Variants in KCTD15 observed in about 807,000 individuals in gnomAD.
KCTD15 encodes potassium channel tetramerization domain containing 15, also known as BTB/POZ domain-containing protein KCTD15.
KCTD15 carries 11 observed loss-of-function variants against 27.2 expected under a neutral mutation model. The observed-to-expected ratio is 0.41, with a 90% CI of 0.25 to 0.67. The LOEUF (loss-of-function observed/expected upper bound fraction) is 0.67. Ranked by LOEUF, KCTD15 falls within the 30% of genes least tolerant of loss-of-function variation. The pLI is 0.35. For synonymous variants in KCTD15, 163 were observed against 176.0 expected, an observed-to-expected ratio of 0.93 and a Z score of 0.58; for missense variants, 350 against 409.3, an observed-to-expected ratio of 0.86 and a Z score of 1.25.
chr19:33,795,350 T>C (rs1270976626), upstream of KCTD15, among the ~76,000 whole-genome samples: 1 of 152,030 alleles, frequency 6.6e-6, no homozygotes, highest in African/African-American at 2.4e-5. Context: ...CGAGGTCCTC[T>C]AGTAGAGGGA....
Position 33,811,261 on chromosome 19 carries a change from G to C in KCTD15, c.402G>C (p.Leu134=). The C allele has an allele frequency of 6.6e-7, 1 of 1,521,012 alleles. No individual in the cohort carries two copies. Among genetic ancestry groups the C allele is most frequent in the Non-Finnish European group, 8.8e-7 (1 of 1,134,672 alleles). The allele number at this position is 1,521,012 out of a possible 1,614,324, so 94.2% of individuals were successfully genotyped here. A position where few individuals can be genotyped will look rare whatever the true frequency, so the allele number is the denominator to read the frequency against. The stretch of plus-strand genomic sequence containing the variant: ...CCTGTCCCCAGGACTTCAGTCTGCT[G>C]TACGAGGAGGCGCGCTACTATCAGC... ...LPDDFKDFSL[L]YEEARYYQLQ... The change falls in exon 6 of 7, where the codon CTG becomes CTC. Residue 134 remains leucine, a synonymous_variant. Coordinates refer to ENST00000683859, the MANE Select transcript of KCTD15 (RefSeq NM_001129994.2).
At chr19:33,810,153 G>A (rs562159843) in intron 5 of KCTD15, among the ~76,000 whole-genome samples, 1 of 152,188 alleles carries the variant, frequency 6.6e-6, no homozygotes, top group African/African-American at 2.4e-5. Flanking sequence ...GGGTGGGTGT[G>A]TGTGAGCGTG....
chr19:33,799,174 T>C (rs1456366806), intron 2 of KCTD15, among the ~76,000 whole-genome samples: 1 of 152,182 alleles, frequency 6.6e-6, no homozygotes, highest in East Asian at 1.9e-4. Context: ...GTCTGCCCAT[T>C]GCAACCTCCC....
At chr19:33,794,543 G>A (rs1036693382), upstream of KCTD15, among the ~76,000 whole-genome samples, 1 of 152,222 alleles carries the variant, frequency 6.6e-6, no homozygotes, top group African/African-American at 2.4e-5. Flanking sequence ...GGGGGCCACA[G>A]GAGCCATGAC....
At chr19:33,794,910 G>C (rs937091947), upstream of KCTD15, among the ~76,000 whole-genome samples, 3 of 152,232 alleles carry the variant, frequency 2.0e-5, no homozygotes, top group African/African-American at 7.2e-5. Context: ...CGAACGCGCA[G>C]AGAGCGCGCT....
intron 5 of KCTD15, among the ~76,000 whole-genome samples, 193 bp downstream of exon 5, chr19:33,807,200 A>G (rs1246016886): frequency 6.6e-6 from 1 of 152,248 alleles, no homozygotes; most frequent in Non-Finnish European, 1.5e-5. Flanking sequence ...CAGGGTATAT[A>G]ACAACAATCA....
Position 33,813,007 on chromosome 19 carries a change from T to C in KCTD15, c.*59T>C, listed in dbSNP as rs1440719475. The C allele has an allele frequency of 6.7e-7, 1 of 1,487,570 alleles. No homozygotes were observed. The highest frequency in any genetic ancestry group is 9.1e-7 in the Non-Finnish European group (1 of 1,104,316). 92.1% of individuals were successfully genotyped at this position (1,487,570 alleles called of 1,614,324 possible). A position where few individuals can be genotyped will look rare whatever the true frequency, so the allele number is the denominator to read the frequency against. On this transcript the variant is annotated 3_prime_UTR_variant, in exon 7 of 7. Coordinates refer to ENST00000683859, the MANE Select transcript of KCTD15 (RefSeq NM_001129994.2). ...GGACCTGGAAACAGTGCTGGGGAGTTCTGCCTGTGTATACTTGGCCGTGGG... is the reference window on the plus strand; with the variant it reads ...GGACCTGGAAACAGTGCTGGGGAGTCCTGCCTGTGTATACTTGGCCGTGGG...
At chr19:33,800,266 A>G (rs569441999) in intron 2 of KCTD15, among the ~76,000 whole-genome samples, 162 bp from the exon 3 acceptor site, 1 of 152,074 alleles carries the variant, frequency 6.6e-6, no homozygotes, top group East Asian at 1.9e-4. Context: ...GGGTGTGGAG[A>G]CAGATAGAGA....
chr19:33,800,392 A>G (rs1599670480), intron 2 of KCTD15, 36 bp from the exon 3 acceptor site: 1 of 1,493,420 alleles, frequency 6.7e-7, no homozygotes, highest in South Asian at 1.2e-5. Flanking sequence ...ACTAGGAGGA[A>G]TAAGCCTTCT....
chr19:33,800,236 C>T (rs1260433486), intron 2 of KCTD15, among the ~76,000 whole-genome samples, 192 bp from the exon 3 acceptor site: 1 of 152,202 alleles, frequency 6.6e-6, no homozygotes, highest in African/African-American at 2.4e-5. Context: ...TCATCTGCTA[C>T]AGCCTGGAGG....
chr19:33,807,131 G>T, intron 5 of KCTD15, 124 bp downstream of exon 5: 1 of 1,193,870 alleles, frequency 8.4e-7, no homozygotes, highest in Non-Finnish European at 1.2e-6. Flanking sequence ...CGATGAAGCC[G>T]AGGGCTAAAT....
rs1045465840 is a variant in KCTD15 at position 33,797,499 on chromosome 19, C to G, written c.-127+512C>G. 1.0e-3 allele frequency: 411 copies of G among 401,258 alleles called. 3 individuals are homozygous for G. The highest frequency in any genetic ancestry group is 7.8e-4 in the Admixed American group (29 of 37,172). The allele number at this position is 401,258 out of a possible 1,614,324, so 24.9% of individuals were successfully genotyped here. A position where few individuals can be genotyped will look rare whatever the true frequency, so the allele number is the denominator to read the frequency against. The stretch of plus-strand genomic sequence containing the variant: ...GACGCCCACCCCACGAGTCCGAAAC[C>G]TGGCAGGAGGGGCTGTCGCGCTGGT... On this transcript the variant is annotated intron_variant, in intron 1 of 6. Transcript: ENST00000683859.
In KCTD15 at chr19:33,808,837, C is replaced by T. The variant is rs373610571; in HGVS notation, c.387+1830C>T. 1.9e-4 allele frequency among the ~76,000 whole-genome samples: 29 copies of T among 152,232 alleles called. 1 individual carries two copies. In the South Asian group the frequency reaches 6.0e-3, roughly 32 times the overall value. Reference sequence around the variant, plus strand: ...ATAGAGAAGATGGAGCAAGGTGGCACATCAGACTTCTGTTTAGTACAGGCA... The same window carrying T: ...ATAGAGAAGATGGAGCAAGGTGGCATATCAGACTTCTGTTTAGTACAGGCA... On this transcript the variant is annotated intron_variant, in intron 5 of 6. Coordinates refer to ENST00000683859, the MANE Select transcript of KCTD15 (RefSeq NM_001129994.2).
chr19:33,812,179 G>A, intron 6 of KCTD15: 1 of 1,146,642 alleles, frequency 8.7e-7, no homozygotes, highest in Non-Finnish European at 1.1e-6. Flanking sequence ...GCTAGTTGCA[G>A]GAGACGGGTG....
chr19:33,807,155 C>A, intron 5 of KCTD15, 148 bp downstream of exon 5: 1 of 987,730 alleles, frequency 1.0e-6, no homozygotes, highest in Non-Finnish European at 1.5e-6. Context: ...TTTTTCTAAA[C>A]TAATTTTGTT....
Position 33,813,203 on chromosome 19 carries a change from C to A in KCTD15, c.*255C>A. ...TCTGCTGCCAGCTCTCCCAGCCCCT[C>A]AGCTTCGCAGCCTGGCGCAGCATCC... On this transcript the variant is annotated 3_prime_UTR_variant, in exon 7 of 7. Transcript: ENST00000683859. The A allele has an allele frequency of 1.6e-6, 1 of 632,832 alleles. No individual in the cohort carries two copies. The highest frequency in any genetic ancestry group is 2.9e-6 in the Non-Finnish European group (1 of 347,760). The allele number at this position is 632,832 out of a possible 1,614,324, so 39.2% of individuals were successfully genotyped here.
At chr19:33,796,072 C>A (rs62101381), upstream of KCTD15, 7,598 of 151,912 alleles carry the variant, frequency 0.05, 267 homozygotes, top group Non-Finnish European at 0.08. Context: ...GCGGCGGCTG[C>A]TCTCCTCTTT....
At chr19:33,809,317 T>G (rs768606044) in intron 5 of KCTD15, among the ~76,000 whole-genome samples, 4 of 152,138 alleles carry the variant, frequency 2.6e-5, no homozygotes, top group Non-Finnish European at 5.9e-5. Context: ...TTAAGAGTAA[T>G]TTATTTACTT....
At chr19:33,808,441 C>T (rs187534125) in intron 5 of KCTD15, among the ~76,000 whole-genome samples, 1 of 152,194 alleles carries the variant, frequency 6.6e-6, no homozygotes, top group African/African-American at 2.4e-5. Context: ...CAGAACGGGG[C>T]CAAACAGGTG....
Sources: gnomAD v4.1 joint callset for allele counts (sites outside exome capture counted in the v4.1 genomes callset) on GRCh38, gnomAD v4.1.1 for gene constraint, MANE v1.5 for transcripts, NCBI Gene and HGNC (gene_info 2026-07-23, HGNC 2026-07-21) for gene names.